The following CCSER1 variants were observed in gnomAD, a reference collection of about 807,000 sequenced individuals.
CCSER1 encodes the protein coiled-coil serine rich protein 1.
A neutral mutation model predicts 82.0 loss-of-function variants in CCSER1; 41 were observed. The ratio of observed to expected loss-of-function variants is 0.50; its 90% CI spans 0.39 to 0.65. The LOEUF is 0.65. CCSER1 is among the 30% of genes least tolerant of loss of function. CCSER1 has a pLI of 0.00. For missense variants in CCSER1, 1,119 were observed against 1,064.2 expected, an observed-to-expected ratio of 1.05 and a Z score of -0.72; for synonymous variants, 414 against 383.9, an observed-to-expected ratio of 1.08 and a Z score of -0.92.
chr4:91,195,749 A>C (rs527818004), intron 10 of CCSER1, among the ~76,000 whole-genome samples: 20 of 152,156 alleles, frequency 1.3e-4, no homozygotes, highest in African/African-American at 4.6e-4. Context: ...TCTTTCTCAT[A>C]TCTATCTCTC....
At chr4:90,363,055 T>C (rs1745652266) in intron 3 of CCSER1, among the ~76,000 whole-genome samples, 1 of 152,180 alleles carries the variant, frequency 6.6e-6, no homozygotes, top group Non-Finnish European at 1.5e-5. Context: ...AAGTCATTAA[T>C]CCACACAATA....
At chr4:91,066,349 C>T (rs1021927864) in intron 9 of CCSER1, among the ~76,000 whole-genome samples, 14 of 152,082 alleles carry the variant, frequency 9.2e-5, no homozygotes, top group Non-Finnish European at 4.4e-5. Flanking sequence ...GCACAGTTAG[C>T]GACAGAGGAG....
intron 7 of CCSER1, among the ~76,000 whole-genome samples, chr4:90,733,105 A>G (rs1357582099): frequency 6.6e-6 from 1 of 152,204 alleles, no homozygotes; most frequent in Non-Finnish European, 1.5e-5. Context: ...AGGAACCTCC[A>G]AGTTGTACTG....
chr4:90,341,022 A>G (rs558242737), intron 3 of CCSER1, among the ~76,000 whole-genome samples: 1 of 152,270 alleles, frequency 6.6e-6, no homozygotes, highest in Admixed American at 6.5e-5. Context: ...AATAACAGTA[A>G]TGAGTTTTCG....
rs116032316 is a variant in CCSER1, at chr4:91,437,459, G to A, written c.2218-161113G>A. Among the ~76,000 whole-genome samples, 769 of 152,210 alleles carry A rather than the reference G, an allele frequency of 5.1e-3. 7 individuals are homozygous for A. The highest frequency in any genetic ancestry group is 7.7e-3 in the Non-Finnish European group (522 of 67,996). ...AATAAATGGACCTCCAGAGCCTCAC[G>A]ATCTCAGAATGGATGTTTAAAATAA... On this transcript the variant is annotated intron_variant, in intron 10 of 10. Transcript: ENST00000509176.
chr4:91,348,075 T>C (rs1314739758), intron 10 of CCSER1, among the ~76,000 whole-genome samples: 2 of 152,112 alleles, frequency 1.3e-5, no homozygotes, highest in Non-Finnish European at 2.9e-5. Flanking sequence ...GAAAAGCATA[T>C]AGTTTTTCAC....
At chr4:90,391,847 A>G (rs1291724180) in intron 3 of CCSER1, among the ~76,000 whole-genome samples, 1 of 152,022 alleles carries the variant, frequency 6.6e-6, no homozygotes, top group Non-Finnish European at 1.5e-5. Flanking sequence ...AGTTTTAAAT[A>G]TTTTAACTCT....
At chr4:90,622,051 T>C (rs961347379) in intron 5 of CCSER1, among the ~76,000 whole-genome samples, 1 of 152,228 alleles carries the variant, frequency 6.6e-6, no homozygotes, top group Admixed American at 6.5e-5. Context: ...AAAATAAATG[T>C]GGTTGTAAGT....
intron 8 of CCSER1, among the ~76,000 whole-genome samples, chr4:90,915,904 C>G (rs1444446661): frequency 1.3e-5 from 2 of 151,664 alleles, no homozygotes; most frequent in Non-Finnish European, 2.9e-5. Flanking sequence ...TGAGTGAACT[C>G]CCATTCACAA....
intron 9 of CCSER1, among the ~76,000 whole-genome samples, chr4:91,043,563 C>T (rs1338927435): frequency 6.7e-6 from 1 of 148,186 alleles, no homozygotes; most frequent in Admixed American, 6.8e-5. Flanking sequence ...ACAAGGATAA[C>T]GCTAACTAGC....
chr4:91,400,339 TA>T (rs1404073147), intron 10 of CCSER1, among the ~76,000 whole-genome samples: 1 of 151,856 alleles, frequency 6.6e-6, no homozygotes, highest in Non-Finnish European at 1.5e-5. Context: ...GTGCTGAAGT[TA>T]AGTAGTACTA....
At chr4:90,605,271 A>C (rs1784545543) in intron 5 of CCSER1, among the ~76,000 whole-genome samples, 1 of 152,230 alleles carries the variant, frequency 6.6e-6, no homozygotes, top group African/African-American at 2.4e-5. Flanking sequence ...GAAGTCAGCC[A>C]GACCAAGAAA....
chr4:91,550,176 T>C (rs1762094143), intron 10 of CCSER1, among the ~76,000 whole-genome samples: 1 of 152,230 alleles, frequency 6.6e-6, no homozygotes, highest in Non-Finnish European at 1.5e-5. Flanking sequence ...CAGAATGCTC[T>C]GAAATATTTC....
Position 91,008,415 on chromosome 4 carries a change from T to C in CCSER1, c.2173-77535T>C, listed in dbSNP as rs146325483. ...AGAGCATATGTATTTAAAAGTGTTA[T>C]GTCTTCTTGATTAATTATTCCCTTT... On this transcript the variant is annotated intron_variant, in intron 9 of 10. Transcript: ENST00000509176. Among the ~76,000 whole-genome samples the C allele has an allele frequency of 4.7e-3, 714 of 152,336 alleles. 6 individuals are homozygous for C. Among genetic ancestry groups the C allele is most frequent in the African/African-American group, 0.016 (656 of 41,578 alleles).
At chr4:90,542,430 G>A (rs1362989077) in intron 5 of CCSER1, among the ~76,000 whole-genome samples, 15 of 152,014 alleles carry the variant, frequency 9.9e-5, no homozygotes, top group Non-Finnish European at 1.5e-5. Context: ...TTTTTCTGTT[G>A]TTGCTATGGG....
At chr4:90,658,578 G>A (rs1308334046) in intron 6 of CCSER1, among the ~76,000 whole-genome samples, 5 of 152,148 alleles carry the variant, frequency 3.3e-5, no homozygotes, top group African/African-American at 1.2e-4. Context: ...TGACCCCAAG[G>A]ATAAAAGTGA....
intron 1 of CCSER1, among the ~76,000 whole-genome samples, chr4:90,284,695 T>C (rs1729544343): frequency 6.6e-6 from 1 of 151,924 alleles, no homozygotes; most frequent in Non-Finnish European, 1.5e-5. Context: ...GGTTTTTCCA[T>C]GTTGCCAGGC....
chr4:90,378,268 T>TATACTTG (rs1748674510), intron 3 of CCSER1, among the ~76,000 whole-genome samples: 1 of 152,164 alleles, frequency 6.6e-6, no homozygotes, highest in Non-Finnish European at 1.5e-5. Flanking sequence ...ACTGCAATAA[T>TATACTTG]TAATAACCTG....
At chr4:90,924,710 G>T (rs996284113) in intron 9 of CCSER1, among the ~76,000 whole-genome samples, 7 of 151,960 alleles carry the variant, frequency 4.6e-5, no homozygotes, top group Admixed American at 3.9e-4. Context: ...TAAAAACTTG[G>T]TTTTTTGTTG....
Sources: gnomAD v4.1 joint callset for allele counts (sites outside exome capture counted in the v4.1 genomes callset) on GRCh38, gnomAD v4.1.1 for gene constraint, MANE v1.5 for transcripts, NCBI Gene and HGNC (gene_info 2026-07-23, HGNC 2026-07-21) for gene names.